XRCC2: variants seen among roughly 807,000 people sequenced by gnomAD.
The protein encoded by XRCC2 is X-ray repair cross complementing 2.
Under a neutral mutation model 27.3 loss-of-function variants are expected in XRCC2, and 24 were observed. The ratio of observed to expected loss-of-function variants is 0.88; its 90% CI spans 0.64 to 1.24. XRCC2 has a LOEUF of 1.24. Ranked by LOEUF, XRCC2 falls within the 50% of genes most tolerant of loss-of-function variation. XRCC2 has a pLI of 0.00. For synonymous variants in XRCC2, 106 were observed against 115.4 expected, an observed-to-expected ratio of 0.92 and a Z score of 0.52; for missense variants, 321 against 325.8, an observed-to-expected ratio of 0.99 and a Z score of 0.11.
chr7:152,656,156 G>A (rs1046697288), intron 2 of XRCC2, among the ~76,000 whole-genome samples: 14 of 152,034 alleles, frequency 9.2e-5, no homozygotes, highest in African/African-American at 2.7e-4. Flanking sequence ...ACCATGGCAC[G>A]CGTTTATCTA....
Position 152,646,055 on chromosome 7 carries a change from T to A in XRCC2, c.*2587A>T, listed in dbSNP as rs2098025698. 1 of 152,228 alleles carries A rather than the reference T, an allele frequency of 6.6e-6. No individual in the cohort carries two copies. Among genetic ancestry groups the A allele is most frequent in the South Asian group, 2.1e-4 (1 of 4,822 alleles). The allele number at this position is 152,228 out of a possible 1,614,324, so 9.4% of individuals were successfully genotyped here. ...CCATCTCCTCTGTGCTTTGGATCTG[T>A]CCTGCTGTATTCGGTTCTTTTAAAT... On this transcript the variant is annotated 3_prime_UTR_variant, in exon 3 of 3. Transcript: ENST00000359321.
intron 1 of XRCC2, among the ~76,000 whole-genome samples, chr7:152,662,125 C>T (rs1489713989): frequency 2.0e-5 from 3 of 152,028 alleles, no homozygotes; most frequent in African/African-American, 4.8e-5. Context: ...CCACCACGCC[C>T]GGCTAATTTT....
chr7:152,652,081 G>T (rs910437394), intron 2 of XRCC2, among the ~76,000 whole-genome samples: 2 of 151,710 alleles, frequency 1.3e-5, no homozygotes, highest in African/African-American at 4.8e-5. Context: ...GGGTGAAGTG[G>T]GAGCCTGTGA....
intron 2 of XRCC2, among the ~76,000 whole-genome samples, chr7:152,655,434 C>T (rs1440101901): frequency 6.6e-6 from 1 of 152,182 alleles, no homozygotes; most frequent in African/African-American, 2.4e-5. Flanking sequence ...ACAGGTTGGG[C>T]GTGGTGGTTC....
At chr7:152,666,820 G>T (rs997508380) in intron 1 of XRCC2, among the ~76,000 whole-genome samples, 5 of 151,300 alleles carry the variant, frequency 3.3e-5, no homozygotes, top group Admixed American at 3.3e-4. Flanking sequence ...GTTTCGCCAT[G>T]TTGGTCAGGC....
At chr7:152,666,656 C>T (rs2117005530) in intron 1 of XRCC2, among the ~76,000 whole-genome samples, 1 of 147,280 alleles carries the variant, frequency 6.8e-6, no homozygotes, top group Admixed American at 7.0e-5. Context: ...CTCGCTTTGT[C>T]ACCAAGGCTG....
At chr7:152,665,219 A>G (rs1285155579) in intron 1 of XRCC2, among the ~76,000 whole-genome samples, 1 of 152,164 alleles carries the variant, frequency 6.6e-6, no homozygotes, top group Non-Finnish European at 1.5e-5. Flanking sequence ...CCTGCCTTGA[A>G]TCTACTTCTG....
chr7:152,674,922 C>T (rs115202346), intron 1 of XRCC2, among the ~76,000 whole-genome samples: 8 of 151,626 alleles, frequency 5.3e-5, no homozygotes, highest in African/African-American at 1.9e-4. Context: ...TGCCATGTGC[C>T]TTTATTTATC....
In XRCC2 at chr7:152,649,064, G is replaced by C; in HGVS notation, c.421C>G (p.Pro141Ala). Residue 141 changes from proline to alanine, a missense_variant, in exon 3 of 3, where the codon CCA becomes GCA. Coordinates refer to ENST00000359321, the MANE Select transcript of XRCC2 (RefSeq NM_005431.2). ...TCCAAAATCAAAAGGCAGAGAGATG[G>C]GTGACTACAAAACATACTTTCTAGT... ...YSLESMFCSHPSLCLLILDSL... is the reference protein window; with the variant it reads ...YSLESMFCSHASLCLLILDSL... 1 of 1,614,132 alleles carries C rather than the reference G, an allele frequency of 6.2e-7. No homozygotes were observed. Among genetic ancestry groups the C allele is most frequent in the African/African-American group, 1.3e-5 (1 of 75,032 alleles).
intron 2 of XRCC2, among the ~76,000 whole-genome samples, chr7:152,654,820 C>T (rs532129994): frequency 9.9e-5 from 15 of 152,262 alleles, no homozygotes; most frequent in Non-Finnish European, 1.8e-4. Flanking sequence ...TTATAACAAC[C>T]GGGAAGACAC....
intron 1 of XRCC2, 45 bp downstream of exon 1, chr7:152,675,996 C>T (rs1440575075): frequency 6.2e-7 from 1 of 1,612,326 alleles, no homozygotes; most frequent in African/African-American, 1.3e-5. Context: ...CGCCCACCGG[C>T]GGCCTTGTTC....
chr7:152,660,216 C>T (rs577572925), intron 2 of XRCC2, among the ~76,000 whole-genome samples: 6 of 152,202 alleles, frequency 3.9e-5, no homozygotes, highest in African/African-American at 7.2e-5. Context: ...GCTGTGGTAA[C>T]GGTTGCACAA....
chr7:152,664,273 T>C (rs977150169), intron 1 of XRCC2, among the ~76,000 whole-genome samples: 1 of 152,200 alleles, frequency 6.6e-6, no homozygotes, highest in African/African-American at 2.4e-5. Flanking sequence ...TAGAGACTTA[T>C]TAAGCCTGAA....
chr7:152,663,346 TAAAAAAAAAAAAAAA>T (rs530664762), intron 1 of XRCC2, among the ~76,000 whole-genome samples: 9 of 80,886 alleles, frequency 1.1e-4, no homozygotes, highest in Admixed American at 4.3e-4. Flanking sequence ...GTCTTTGAAG[TAAAAAAAAAAAAAAA>T]AAAAAAAAAA....
intron 2 of XRCC2, among the ~76,000 whole-genome samples, chr7:152,657,844 GGTACATTAGA>G (rs2098031331): frequency 6.6e-6 from 1 of 151,618 alleles, no homozygotes; most frequent in African/African-American, 2.4e-5. Context: ...GAATTAAAAT[GGTACATTAGA>G]AAATATTTAA....
chr7:152,657,322 G>A (rs760498266), intron 2 of XRCC2, among the ~76,000 whole-genome samples: 13 of 151,536 alleles, frequency 8.6e-5, no homozygotes, highest in African/African-American at 1.5e-4. Flanking sequence ...TTGTTTTTGC[G>A]ACAGTCTTGC....
At chr7:152,652,502 C>T (rs2098028979) in intron 2 of XRCC2, among the ~76,000 whole-genome samples, 1 of 152,204 alleles carries the variant, frequency 6.6e-6, no homozygotes, top group African/African-American at 2.4e-5. Context: ...TTCTAGAGTA[C>T]TGCATGCCTT....
chr7:152,661,449 T>C (rs1204406081), intron 1 of XRCC2, among the ~76,000 whole-genome samples: 1 of 152,132 alleles, frequency 6.6e-6, no homozygotes, highest in Non-Finnish European at 1.5e-5. Flanking sequence ...TTTATTTCAC[T>C]GGGGAAGGGG....
rs1446554291 is a variant in XRCC2, at chr7:152,651,576, C to G, written c.122-2213G>C. Reference sequence around the variant, plus strand: ...CAAATTTCCACCATAATCTTACATACAACTTGCAATTCTAAATTTACCTTA... The same window carrying G: ...CAAATTTCCACCATAATCTTACATAGAACTTGCAATTCTAAATTTACCTTA... On this transcript the variant is annotated intron_variant, in intron 2 of 2. Coordinates refer to ENST00000359321, the MANE Select transcript of XRCC2 (RefSeq NM_005431.2). Among the ~76,000 whole-genome samples the G allele has an allele frequency of 2.0e-5, 3 of 152,228 alleles. No homozygotes were observed. The East Asian group carries it at 5.8e-4, about 30-fold the overall frequency.
Sources: allele counts gnomAD v4.1 joint callset (sites outside exome capture counted in the v4.1 genomes callset), GRCh38; gene constraint gnomAD v4.1.1; transcripts MANE v1.5; gene names NCBI Gene and HGNC (gene_info 2026-07-23, HGNC 2026-07-21).